CRPPA: variants seen among roughly 807,000 people sequenced by gnomAD.
CRPPA encodes CDP-L-ribitol pyrophosphorylase A.
In CRPPA, 43 loss-of-function variants were observed where a neutral mutation model predicts 52.0. The ratio of observed to expected loss-of-function variants is 0.83; its 90% CI spans 0.65 to 1.07. The LOEUF is 1.07. CRPPA is among the 50% of genes least tolerant of loss of function. CRPPA has a pLI of 0.00. For synonymous variants in CRPPA, 250 were observed against 203.5 expected, an observed-to-expected ratio of 1.23 and a Z score of -1.94; for missense variants, 629 against 551.7, an observed-to-expected ratio of 1.14 and a Z score of -1.40.
intron 2 of CRPPA, among the ~76,000 whole-genome samples, chr7:16,399,393 T>C (rs560308455): frequency 1.4e-5 from 2 of 142,316 alleles, no homozygotes; most frequent in African/African-American, 2.8e-5. Flanking sequence ...ATTGAAGTGA[T>C]TGGCATGTGA....
At chr7:16,383,872 G>A (rs2128313568) in intron 2 of CRPPA, among the ~76,000 whole-genome samples, 1 of 152,332 alleles carries the variant, frequency 6.6e-6, no homozygotes. Context: ...GGGTGGGAGT[G>A]ACCCAATTTT....
intron 8 of CRPPA, among the ~76,000 whole-genome samples, chr7:16,217,350 A>G (rs1299316453): frequency 6.6e-6 from 1 of 152,080 alleles, no homozygotes. Flanking sequence ...AAAAGACAGA[A>G]CAGAAAAACT....
chr7:16,335,763 T>G (rs75223799), intron 3 of CRPPA, among the ~76,000 whole-genome samples: 13,022 of 152,156 alleles, frequency 0.086, 831 homozygotes, highest in African/African-American at 0.18. Context: ...ACAACAACCA[T>G]ATACAGGAAG....
At chr7:16,403,695 T>C (rs955253329) in intron 2 of CRPPA, among the ~76,000 whole-genome samples, 2 of 152,196 alleles carry the variant, frequency 1.3e-5, no homozygotes, top group Admixed American at 1.3e-4. Context: ...GTGAGAGAAC[T>C]GGCAGGACAT....
chr7:16,265,817 G>A (rs771804499), intron 6 of CRPPA, among the ~76,000 whole-genome samples: 3 of 152,064 alleles, frequency 2.0e-5, no homozygotes, highest in East Asian at 1.9e-4. Flanking sequence ...ACCTATGCAC[G>A]GGCAGGTATT....
intron 9 of CRPPA, among the ~76,000 whole-genome samples, chr7:16,163,950 T>C (rs1219758635): frequency 6.6e-6 from 1 of 152,116 alleles, no homozygotes; most frequent in African/African-American, 2.4e-5. Context: ...AGCATTTTTT[T>C]CTTCATTTCA....
In CRPPA at chr7:16,091,053, T is replaced by C. The variant is rs981040122; in HGVS notation, c.*642A>G. 2.6e-5 allele frequency: 4 copies of C among 152,216 alleles called. No homozygotes were observed. The highest frequency in any genetic ancestry group is 9.6e-5 in the African/African-American group (4 of 41,460). The allele number at this position is 152,216 out of a possible 1,614,324, so 9.4% of individuals were successfully genotyped here. A position where few individuals can be genotyped will look rare whatever the true frequency, so the allele number is the denominator to read the frequency against. On this transcript the variant is annotated 3_prime_UTR_variant, in exon 10 of 10. Transcript: ENST00000407010. ...CCCTTTAAAATAATGTAAGTCATAA[T>C]TATAGTTCATAAACCAAAAATAACA...
chr7:16,418,134 G>A (rs1283491107), intron 1 of CRPPA, among the ~76,000 whole-genome samples: 1 of 152,212 alleles, frequency 6.6e-6, no homozygotes, highest in Non-Finnish European at 1.5e-5. Context: ...ACAGAAGGAA[G>A]TAAGGGCTTT....
intron 6 of CRPPA, chr7:16,270,002 T>C (rs909270947): frequency 2.0e-5 from 3 of 152,168 alleles, no homozygotes; most frequent in African/African-American, 7.2e-5. Context: ...TCAAAATCAA[T>C]TGTTGAAGGT....
chr7:16,120,053 T>A (rs2128369525), intron 9 of CRPPA, among the ~76,000 whole-genome samples: 1 of 152,192 alleles, frequency 6.6e-6, no homozygotes, highest in Non-Finnish European at 1.5e-5. Flanking sequence ...TAGAAAGAAA[T>A]CAGGACACTG....
At chr7:16,364,280 T>C (rs917864336) in intron 3 of CRPPA, among the ~76,000 whole-genome samples, 5 of 152,146 alleles carry the variant, frequency 3.3e-5, no homozygotes, top group South Asian at 2.1e-4. Context: ...AAGACAAATA[T>C]CTTAAAAAAT....
chr7:16,223,890 G>A (rs1336141614), intron 8 of CRPPA, among the ~76,000 whole-genome samples: 1 of 149,884 alleles, frequency 6.7e-6, no homozygotes, highest in South Asian at 2.2e-4. Flanking sequence ...ATTTTTTTTT[G>A]TCTTTTTGTA....
At chr7:16,099,042 T>A (rs1781986937) in intron 9 of CRPPA, among the ~76,000 whole-genome samples, 1 of 152,100 alleles carries the variant, frequency 6.6e-6, no homozygotes, top group African/African-American at 2.4e-5. Context: ...AAACAGGGCC[T>A]TACAATACAG....
At chr7:16,400,440 T>C (rs1335239713) in intron 2 of CRPPA, among the ~76,000 whole-genome samples, 2 of 152,198 alleles carry the variant, frequency 1.3e-5, no homozygotes, top group Non-Finnish European at 2.9e-5. Flanking sequence ...GATCGACTTG[T>C]GATCAACACT....
intron 4 of CRPPA, among the ~76,000 whole-genome samples, chr7:16,304,875 G>A (rs570812952): frequency 1.8e-4 from 28 of 152,248 alleles, no homozygotes; most frequent in African/African-American, 6.7e-4. Context: ...GTAATAAAAT[G>A]CCTCAATTAT....
At chr7:16,154,414 A>G (rs1363795679) in intron 9 of CRPPA, among the ~76,000 whole-genome samples, 1 of 151,980 alleles carries the variant, frequency 6.6e-6, no homozygotes, top group African/African-American at 2.4e-5. Flanking sequence ...CTCATTGTTC[A>G]ACTCCCACTT....
intron 3 of CRPPA, among the ~76,000 whole-genome samples, chr7:16,324,682 C>T (rs898513037): frequency 6.6e-6 from 1 of 152,196 alleles, no homozygotes; most frequent in Non-Finnish European, 1.5e-5. Context: ...CTCTTTAAAT[C>T]ACTAACATCA....
chr7:16,210,714 T>A (rs1782110255), intron 9 of CRPPA: 1 of 152,144 alleles, frequency 6.6e-6, no homozygotes, highest in African/African-American at 2.4e-5. Context: ...AAATGTTGGG[T>A]TATATAGTAA....
intron 9 of CRPPA, among the ~76,000 whole-genome samples, chr7:16,096,822 T>C (rs550986729): frequency 6.6e-6 from 1 of 152,320 alleles, no homozygotes; most frequent in East Asian, 1.9e-4. Flanking sequence ...CAGTATACTC[T>C]TCAGTAGTCC....
Sources: allele counts gnomAD v4.1 joint callset (sites outside exome capture counted in the v4.1 genomes callset), GRCh38; gene constraint gnomAD v4.1.1; transcripts MANE v1.5; gene names NCBI Gene and HGNC (gene_info 2026-07-23, HGNC 2026-07-21).